TACR1: variants seen among roughly 807,000 people sequenced by gnomAD.
TACR1 encodes the protein substance-P receptor.
TACR1 carries 25 observed loss-of-function variants against 35.8 expected under a neutral mutation model. The ratio of observed to expected loss-of-function variants is 0.70; its 90% CI spans 0.51 to 0.98. The LOEUF (loss-of-function observed/expected upper bound fraction) is 0.98. Ranked by LOEUF, TACR1 falls within the 50% of genes least tolerant of loss-of-function variation. The pLI, the probability that TACR1 is intolerant of heterozygous loss-of-function variation, is 0.00. For missense variants in TACR1, 478 were observed against 522.9 expected (o/e 0.91, Z 0.84); for synonymous variants, 195 against 206.7 (o/e 0.94, Z 0.48).
chr2:75,087,899 A>G (rs1167857996), intron 2 of TACR1, among the ~76,000 whole-genome samples: 1 of 152,218 alleles, frequency 6.6e-6, no homozygotes, highest in East Asian at 1.9e-4. Context: ...GCTACATAGC[A>G]TTACATAAAG....
chr2:75,103,793 G>A (rs1299280907), intron 2 of TACR1, among the ~76,000 whole-genome samples: 6 of 152,054 alleles, frequency 3.9e-5, no homozygotes, highest in Non-Finnish European at 7.4e-5. Flanking sequence ...TGACAAAGAT[G>A]GTGGAGTAGG....
At chr2:75,189,027 T>G (rs1051291528) in intron 1 of TACR1, 5 of 152,170 alleles carry the variant, frequency 3.3e-5, no homozygotes, top group Non-Finnish European at 2.9e-5. Context: ...ATTTTTTTCA[T>G]GTCAATAAAA....
intron 2 of TACR1, among the ~76,000 whole-genome samples, chr2:75,106,322 C>G (rs1206756158): frequency 6.6e-6 from 1 of 151,964 alleles, no homozygotes; most frequent in African/African-American, 2.4e-5. Flanking sequence ...TGATAGACAT[C>G]TGGATTCTCA....
intron 2 of TACR1, among the ~76,000 whole-genome samples, chr2:75,094,855 A>ATTTTTTT (rs1351976784): frequency 1.6e-4 from 14 of 87,920 alleles, no homozygotes; most frequent in African/African-American, 6.5e-4. Context: ...ATATATATAT[A>ATTTTTTT]TATATTTTTT....
intron 1 of TACR1, among the ~76,000 whole-genome samples, chr2:75,136,908 C>T (rs1012680924): frequency 6.6e-5 from 10 of 152,158 alleles, no homozygotes; most frequent in Non-Finnish European, 1.5e-4. Flanking sequence ...GAGCAGAATG[C>T]CTGGTAGACT....
At position 75,165,309 on chromosome 2, in the gene TACR1, T is replaced by C. The variant is rs1051854927; in HGVS notation, c.389+33237A>G. Among the ~76,000 whole-genome samples, 121 of 152,040 alleles carry C rather than the reference T, an allele frequency of 8.0e-4. 1 individual carries two copies. The highest frequency in any genetic ancestry group is 8.8e-5 in the Non-Finnish European group (6 of 67,998). ...TCCCATCTTCCATTCTTTTTTATTTTATTTTACTTTATTTTTTTGAGACAG... is the reference window on the plus strand; with the variant it reads ...TCCCATCTTCCATTCTTTTTTATTTCATTTTACTTTATTTTTTTGAGACAG... On this transcript the variant is annotated intron_variant, in intron 1 of 4. Coordinates refer to ENST00000305249, the MANE Select transcript of TACR1 (RefSeq NM_001058.4).
At chr2:75,061,848 G>C (rs1033006810) in intron 2 of TACR1, among the ~76,000 whole-genome samples, 1 of 152,320 alleles carries the variant, frequency 6.6e-6, no homozygotes, top group Non-Finnish European at 1.5e-5. Context: ...CCATGAACAA[G>C]ACAGGGAAGG....
chr2:75,113,835 CA>C (rs1673801702), intron 2 of TACR1, among the ~76,000 whole-genome samples: 1 of 151,990 alleles, frequency 6.6e-6, no homozygotes, highest in Non-Finnish European at 1.5e-5. Flanking sequence ...AAAGGATCCA[CA>C]TTTTTTTTTA....
intron 4 of TACR1, among the ~76,000 whole-genome samples, chr2:75,050,079 T>G (rs1672437734): frequency 1.3e-5 from 2 of 152,258 alleles, no homozygotes; most frequent in South Asian, 4.1e-4. Flanking sequence ...TGCACAGCAC[T>G]GTGCTAGTTA....
At chr2:75,063,573 A>G (rs13404785) in intron 2 of TACR1, among the ~76,000 whole-genome samples, 39,813 of 152,074 alleles carry the variant, frequency 0.26, 6,551 homozygotes, top group African/African-American at 0.44. Context: ...CTGATGATTT[A>G]AATTTGCACT....
intron 2 of TACR1, among the ~76,000 whole-genome samples, chr2:75,078,121 T>C (rs1673014179): frequency 6.6e-6 from 1 of 152,198 alleles, no homozygotes. Context: ...AGGTCTCTAC[T>C]ACCATCATGG....
intron 1 of TACR1, among the ~76,000 whole-genome samples, chr2:75,198,232 A>T (rs1272623121): frequency 6.6e-6 from 1 of 152,206 alleles, no homozygotes; most frequent in African/African-American, 2.4e-5. Flanking sequence ...GAAGGAATAT[A>T]TGGAAAGGAG....
chr2:75,088,078 T>G (rs1042812655), intron 2 of TACR1, among the ~76,000 whole-genome samples: 1 of 152,200 alleles, frequency 6.6e-6, no homozygotes, highest in African/African-American at 2.4e-5. Context: ...TGCAGCTGGA[T>G]CTTGTTAGCT....
chr2:75,083,933 G>A (rs371443623), intron 2 of TACR1, among the ~76,000 whole-genome samples: 4 of 151,988 alleles, frequency 2.6e-5, no homozygotes, highest in African/African-American at 9.7e-5. Flanking sequence ...TCTCCTGCCT[G>A]ATTGCCCTGG....
At chr2:75,150,686 T>C (rs1674650301) in intron 1 of TACR1, among the ~76,000 whole-genome samples, 1 of 152,088 alleles carries the variant, frequency 6.6e-6, no homozygotes, top group Admixed American at 6.5e-5. Context: ...CTGGTACCAG[T>C]AGAGTGGGGC....
In TACR1 at chr2:75,053,774, GA is replaced by G; in HGVS notation, c.585-20del. ...GTGGTACCTACAGCAAGGTAAACAG[GA>G]AAGGTCAGTATGATATACTTATTAT... On this transcript the variant is annotated intron_variant, in intron 2 of 4. Transcript: ENST00000305249. The G allele has an allele frequency of 6.2e-7, 1 of 1,614,096 alleles. No homozygotes were observed. The highest frequency in any genetic ancestry group is 8.5e-7 in the Non-Finnish European group (1 of 1,180,006).
At chr2:75,154,416 A>G (rs78720137) in intron 1 of TACR1, 16,950 of 75,052 alleles carry the variant, frequency 0.23, 3,315 homozygotes, top group African/African-American at 0.4. Flanking sequence ...GCACGCACAC[A>G]CACACACACA....
At chr2:75,112,211 T>C (rs1673765602) in intron 2 of TACR1, among the ~76,000 whole-genome samples, 1 of 152,094 alleles carries the variant, frequency 6.6e-6, no homozygotes, top group Non-Finnish European at 1.5e-5. Context: ...AGTCTGCTTT[T>C]ATTAAATGAT....
At chr2:75,186,833 T>C (rs1675717103) in intron 1 of TACR1, 1 of 152,236 alleles carries the variant, frequency 6.6e-6, no homozygotes, top group Non-Finnish European at 1.5e-5. Context: ...TTTTCAGTCA[T>C]TGACATTTAT....
Sources: gnomAD v4.1 joint callset for allele counts (sites outside exome capture counted in the v4.1 genomes callset) on GRCh38, gnomAD v4.1.1 for gene constraint, MANE v1.5 for transcripts, NCBI Gene and HGNC (gene_info 2026-07-23, HGNC 2026-07-21) for gene names.